RABGAP1L: variants seen among roughly 807,000 people sequenced by gnomAD.
RABGAP1L encodes the protein rab GTPase-activating protein 1-like.
In RABGAP1L, 63 loss-of-function variants were observed where a neutral mutation model predicts 137.7. The ratio of observed to expected loss-of-function variants is 0.46; its 90% confidence interval spans 0.37 to 0.56. The LOEUF (loss-of-function observed/expected upper bound fraction) is 0.56. RABGAP1L is among the 20% of genes least tolerant of loss of function. The pLI is 0.00. For synonymous variants in RABGAP1L, 431 were observed against 433.7 expected (o/e 0.99, Z 0.08); for missense variants, 1,095 against 1,244.0 (o/e 0.88, Z 1.80).
intron 14 of RABGAP1L, among the ~76,000 whole-genome samples, chr1:174,677,393 G>A (rs1677720307): frequency 6.6e-6 from 1 of 152,154 alleles, no homozygotes; most frequent in Non-Finnish European, 1.5e-5. Context: ...CCTAACATTT[G>A]AGTGTATGTA....
At chr1:174,647,463 A>C (rs1217781956) in intron 14 of RABGAP1L, among the ~76,000 whole-genome samples, 1 of 152,122 alleles carries the variant, frequency 6.6e-6, no homozygotes, top group Non-Finnish European at 1.5e-5. Context: ...TATTGAGATA[A>C]TCATGTGGTT....
intron 11 of RABGAP1L, among the ~76,000 whole-genome samples, chr1:174,327,999 A>ATG (rs1680676434): frequency 3.5e-5 from 4 of 113,822 alleles, no homozygotes; most frequent in African/African-American, 1.3e-4. Flanking sequence ...ATATATATAT[A>ATG]TATATATATA....
intron 17 of RABGAP1L, among the ~76,000 whole-genome samples, chr1:174,706,786 A>G (rs1268684245): frequency 6.6e-6 from 1 of 152,198 alleles, no homozygotes; most frequent in African/African-American, 2.4e-5. Flanking sequence ...TTTTAATGCC[A>G]TAGTTTAGCT....
intron 20 of RABGAP1L, among the ~76,000 whole-genome samples, chr1:174,967,182 GAC>G (rs1669708125): frequency 8.5e-6 from 1 of 117,886 alleles, no homozygotes; most frequent in African/African-American, 3.2e-5. Flanking sequence ...TTTTTTTTTT[GAC>G]ACAGGTTCTC....
intron 13 of RABGAP1L, among the ~76,000 whole-genome samples, chr1:174,534,484 T>C (rs1416939781): frequency 1.3e-5 from 2 of 151,634 alleles, no homozygotes; most frequent in Non-Finnish European, 2.9e-5. Context: ...TAAAATAGAA[T>C]AACTAGAGCA....
intron 18 of RABGAP1L, among the ~76,000 whole-genome samples, chr1:174,810,811 T>C (rs1287922579): frequency 6.6e-6 from 1 of 151,996 alleles, no homozygotes; most frequent in East Asian, 1.9e-4. Flanking sequence ...ATGAAAAAAA[T>C]AACCTTCAGG....
intron 19 of RABGAP1L, among the ~76,000 whole-genome samples, chr1:174,816,734 C>CT (rs59080997): frequency 0.8 from 111,291 of 138,290 alleles, 47,192 homozygotes; most frequent in East Asian, 0.99. Flanking sequence ...AGAAACAAGT[C>CT]TTTTTTTTTT....
At chr1:174,769,494 C>T (rs1685943435) in intron 18 of RABGAP1L, among the ~76,000 whole-genome samples, 1 of 152,144 alleles carries the variant, frequency 6.6e-6, no homozygotes, top group South Asian at 2.1e-4. Context: ...ATCACGTCCA[C>T]ACCATAGAAG....
chr1:174,204,663 C>T (rs1440225016), intron 1 of RABGAP1L, among the ~76,000 whole-genome samples: 1 of 152,150 alleles, frequency 6.6e-6, no homozygotes, highest in Non-Finnish European at 1.5e-5. Context: ...GTGTCCCCAT[C>T]CACATCTCAT....
At chr1:174,597,919 C>T (rs1318604310) in intron 13 of RABGAP1L, among the ~76,000 whole-genome samples, 8 of 152,134 alleles carry the variant, frequency 5.3e-5, no homozygotes, top group Non-Finnish European at 1.2e-4. Context: ...ACTGGTCATT[C>T]AGCAGCATAG....
At chr1:174,264,481 A>G (rs1052406641) in intron 7 of RABGAP1L, among the ~76,000 whole-genome samples, 1 of 152,102 alleles carries the variant, frequency 6.6e-6, no homozygotes, top group African/African-American at 2.4e-5. Flanking sequence ...TTTTTCTCTG[A>G]CCTGAGGTCT....
intron 13 of RABGAP1L, among the ~76,000 whole-genome samples, chr1:174,443,185 G>C (rs138905401): frequency 6.6e-6 from 1 of 152,018 alleles, no homozygotes; most frequent in African/African-American, 2.4e-5. Context: ...TAACATGGTA[G>C]TGCATTTATC....
chr1:174,735,883 G>T (rs1490947303), intron 17 of RABGAP1L, among the ~76,000 whole-genome samples: 1 of 152,078 alleles, frequency 6.6e-6, no homozygotes, highest in South Asian at 2.1e-4. Context: ...ATCACCAAGG[G>T]GATGGAGCTA....
At chr1:174,579,111 G>A (rs1421435852) in intron 13 of RABGAP1L, among the ~76,000 whole-genome samples, 1 of 152,026 alleles carries the variant, frequency 6.6e-6, no homozygotes. Context: ...CCTTCTATAT[G>A]CCATACACAT....
intron 17 of RABGAP1L, among the ~76,000 whole-genome samples, chr1:174,742,573 C>G (rs1215203853): frequency 2.0e-5 from 3 of 152,078 alleles, no homozygotes; most frequent in Non-Finnish European, 4.4e-5. Flanking sequence ...CAAAAGATTT[C>G]TGGATGGATT....
intron 19 of RABGAP1L, among the ~76,000 whole-genome samples, chr1:174,888,690 G>A (rs1655591839): frequency 6.6e-6 from 1 of 152,050 alleles, no homozygotes; most frequent in African/African-American, 2.4e-5. Context: ...TAGAGATGAG[G>A]TTTCCCCATG....
Position 174,957,480 on chromosome 1 carries a change from A to G in RABGAP1L, c.2364A>G (p.Lys788=). The G allele has an allele frequency of 1.9e-6, 3 of 1,613,690 alleles. No homozygotes were observed. Among genetic ancestry groups the G allele is most frequent in the Non-Finnish European group, 2.5e-6 (3 of 1,179,606 alleles). The change falls in exon 20 of 26, where the codon AAA becomes AAG. Residue 788 remains lysine (K), a synonymous_variant. Coordinates refer to ENST00000681986, the MANE Select transcript of RABGAP1L (RefSeq NM_001366446.1). ...NIKVPTKKLK[K]YEKEYQTMRE... is the part of the protein sequence containing the mutation. ...AGGTACCAACCAAGAAGCTGAAGAA[A>G]TATGAGAAAGAATATCAGACAATGC...
At chr1:174,931,539 T>C (rs1663794167) in intron 19 of RABGAP1L, among the ~76,000 whole-genome samples, 1 of 152,168 alleles carries the variant, frequency 6.6e-6, no homozygotes, top group South Asian at 2.1e-4. Flanking sequence ...AAACAGTTAT[T>C]GTCATATGTT....
intron 21 of RABGAP1L, among the ~76,000 whole-genome samples, chr1:174,974,273 A>G (rs1445960442): frequency 1.3e-5 from 2 of 151,900 alleles, no homozygotes; most frequent in African/African-American, 2.4e-5. Context: ...TACAGATGTG[A>G]GCCACCGCAC....
Sources: allele counts gnomAD v4.1 joint callset (sites outside exome capture counted in the v4.1 genomes callset), GRCh38; gene constraint gnomAD v4.1.1; transcripts MANE v1.5; gene names NCBI Gene and HGNC (gene_info 2026-07-23, HGNC 2026-07-21).